TOM1: variants seen among roughly 807,000 people sequenced by gnomAD.
The protein encoded by TOM1 is target of myb1 membrane trafficking protein, also known as target of Myb protein 1.
A neutral mutation model predicts 61.3 loss-of-function variants in TOM1; 38 were observed. The observed-to-expected ratio is 0.62, with a 90% CI of 0.48 to 0.81. TOM1 has a LOEUF of 0.81. Among genes scored for constraint, TOM1 ranks in the 40% least tolerant of loss-of-function variants. The pLI is 0.00. For synonymous variants in TOM1, 270 were observed against 268.8 expected, an observed-to-expected ratio of 1.00 and a Z score of -0.04; for missense variants, 591 against 659.6, an observed-to-expected ratio of 0.90 and a Z score of 1.14.
At chr22:35,329,287 A>G (rs1284903341) in intron 7 of TOM1, among the ~76,000 whole-genome samples, 1 of 152,218 alleles carries the variant, frequency 6.6e-6, no homozygotes, top group East Asian at 1.9e-4. Context: ...TTTAAATATG[A>G]CACCTAGTGG....
chr22:35,324,392 C>T (rs1158011113), intron 6 of TOM1, among the ~76,000 whole-genome samples: 1 of 101,090 alleles, frequency 9.9e-6, no homozygotes, highest in African/African-American at 4.2e-5. Context: ...CCAGGCTGGG[C>T]AACATAGAGA....
chr22:35,342,955 C>T (rs1411735157), intron 12 of TOM1, among the ~76,000 whole-genome samples: 7 of 100,742 alleles, frequency 6.9e-5, no homozygotes, highest in African/African-American at 3.3e-4. Context: ...CTACACACAC[C>T]CCTACACACA....
Position 35,305,870 on chromosome 22 carries a change from G to A in TOM1, c.52+5890G>A, listed in dbSNP as rs1372706990. The stretch of plus-strand genomic sequence containing the variant: ...GTGAAGGCAGAAGCCGGGGTGGGGA[G>A]GGCGACTATAAAGAGGATTCCTGTG... On this transcript the variant is annotated intron_variant, in intron 1 of 14. Coordinates refer to ENST00000449058, the MANE Select transcript of TOM1 (RefSeq NM_005488.3). 8.6e-5 allele frequency among the ~76,000 whole-genome samples: 13 copies of A among 151,408 alleles called. 1 individual carries two copies. The South Asian group carries it at 2.7e-3, about 32-fold the overall frequency.
intron 1 of TOM1, among the ~76,000 whole-genome samples, chr22:35,312,241 C>T (rs1012765584): frequency 8.3e-6 from 1 of 119,794 alleles, no homozygotes; most frequent in Non-Finnish European, 1.5e-5. Flanking sequence ...AAGACTCCGT[C>T]TCAAAAAAAA....
At chr22:35,346,903 C>T (rs1239890694) in intron 13 of TOM1, 27 bp from the exon 14 acceptor site, 1 of 1,611,392 alleles carries the variant, frequency 6.2e-7, no homozygotes, top group Admixed American at 1.7e-5. Context: ...CGGCTAACCT[C>T]TGCCTCCTTT....
chr22:35,306,542 T>C (rs779430094), intron 1 of TOM1, among the ~76,000 whole-genome samples: 4 of 152,204 alleles, frequency 2.6e-5, no homozygotes, highest in Non-Finnish European at 5.9e-5. Flanking sequence ...GTCTGAGTCC[T>C]GGTTCAGTCC....
At chr22:35,338,873 AAGCACTGGCCC>A in intron 12 of TOM1, 85 bp downstream of exon 12, 1 of 1,296,472 alleles carries the variant, frequency 7.7e-7, no homozygotes, top group Non-Finnish European at 1.0e-6. Flanking sequence ...GTTGTGGGCC[AAGCACTGGCCC>A]AGCACGTCCA....
chr22:35,331,139 A>G (rs924245460), intron 8 of TOM1, among the ~76,000 whole-genome samples: 1 of 137,038 alleles, frequency 7.3e-6, no homozygotes, highest in African/African-American at 2.8e-5. Context: ...TCTGTCACCC[A>G]GGCTGGAGTA....
intron 9 of TOM1, 69 bp downstream of exon 9, chr22:35,333,083 CCCT>C: frequency 1.3e-6 from 2 of 1,519,782 alleles, no homozygotes. Context: ...ATTCTCACCT[CCCT>C]CCCCTAGTAA....
chr22:35,332,902 G>A, intron 8 of TOM1, 79 bp from the exon 9 acceptor site: 1 of 1,458,878 alleles, frequency 6.9e-7, no homozygotes, highest in South Asian at 1.1e-5. Context: ...GAGACCCACA[G>A]TTTGAAAAGC....
chr22:35,321,688 C>T (rs919276129), intron 2 of TOM1: 5 of 539,782 alleles, frequency 9.3e-6, no homozygotes, highest in South Asian at 3.1e-5. Context: ...CATGAGCCAC[C>T]GCGCCCGGCC....
At position 35,332,883 on chromosome 22, in the gene TOM1, G is replaced by A. The variant is rs62233313; in HGVS notation, c.900-98G>A. ...CATCACCCTGATCATAACCCACCGT[G>A]TTGATGTTGAGACCCACAGTTTGAA... On this transcript the variant is annotated intron_variant, in intron 8 of 14. Coordinates refer to ENST00000449058, the MANE Select transcript of TOM1 (RefSeq NM_005488.3). The A allele has an allele frequency of 7.4e-3, 8,923 of 1,205,702 alleles. 51 individuals carry two copies. Among genetic ancestry groups the A allele is most frequent in the Non-Finnish European group, 8.7e-3 (7,023 of 808,044 alleles). 74.7% of individuals were successfully genotyped at this position (1,205,702 alleles called of 1,614,324 possible). A position where few individuals can be genotyped will look rare whatever the true frequency, so the allele number is the denominator to read the frequency against.
At chr22:35,326,938 C>T (rs184249243) in intron 6 of TOM1, among the ~76,000 whole-genome samples, 17 of 152,336 alleles carry the variant, frequency 1.1e-4, no homozygotes, top group African/African-American at 3.6e-4. Context: ...CGTCCCTCCC[C>T]GCCTTGTGGG....
rs1161833008 is a variant in TOM1, at chr22:35,323,870, C to A, written c.604C>A (p.Pro202Thr). ...GQHAAPLPAP[P>T]ILSGDTPIAP... ...GCATGCTGCCCCTCTGCCCGCCCCGCCCATACTCTCCGGTGACACGCCCAT... is the reference window on the plus strand; with the variant it reads ...GCATGCTGCCCCTCTGCCCGCCCCGACCATACTCTCCGGTGACACGCCCAT... Residue 202 changes from proline to threonine, a missense_variant, in exon 6 of 15, where the codon CCC (proline) becomes ACC (threonine). Coordinates refer to ENST00000449058, the MANE Select transcript of TOM1 (RefSeq NM_005488.3). The surrounding 1 kb of genome is among the most constrained non-coding windows in gnomAD (Gnocchi z 4.2). 6 of 1,604,872 alleles carry A rather than the reference C, an allele frequency of 3.7e-6. No individual in the cohort carries two copies. Among genetic ancestry groups the A allele is most frequent in the Non-Finnish European group, 5.1e-6 (6 of 1,175,634 alleles).
At chr22:35,320,679 T>C (rs1927695232) in intron 2 of TOM1, among the ~76,000 whole-genome samples, 2 of 151,814 alleles carry the variant, frequency 1.3e-5, no homozygotes, top group Admixed American at 6.6e-5. Flanking sequence ...CATCCTCACC[T>C]CTGCTCTTTT....
At chr22:35,308,275 C>CTTTT (rs138770) in intron 1 of TOM1, among the ~76,000 whole-genome samples, 29 of 129,430 alleles carry the variant, frequency 2.2e-4, no homozygotes, top group Non-Finnish European at 2.0e-4. Context: ...TTCCTTTTCT[C>CTTTT]TTTTTTTTTT....
chr22:35,327,165 C>T, intron 6 of TOM1, 106 bp from the exon 7 acceptor site: 1 of 1,088,638 alleles, frequency 9.2e-7, no homozygotes, highest in Non-Finnish European at 1.4e-6. Context: ...GGGAGGTCGG[C>T]TCCCTGGTGC....
At chr22:35,347,023 G>C in intron 14 of TOM1, 32 bp from the exon 15 acceptor site, 1 of 1,563,720 alleles carries the variant, frequency 6.4e-7, no homozygotes, top group Non-Finnish European at 8.7e-7. Flanking sequence ...TCTGGCCTCA[G>C]GGCCTACCCT....
chr22:35,324,053 C>A (rs1928096095), intron 6 of TOM1, 139 bp downstream of exon 6: 2 of 1,081,032 alleles, frequency 1.9e-6, no homozygotes, highest in South Asian at 3.7e-5. Context: ...TGTGGTTCTT[C>A]CTGTTTGAGC....
Sources: gnomAD v4.1 joint callset for allele counts (sites outside exome capture counted in the v4.1 genomes callset) on GRCh38, gnomAD v4.1.1 for gene constraint, Gnocchi (gnomAD v3.1) non-coding constraint, MANE v1.5 for transcripts, NCBI Gene and HGNC (gene_info 2026-07-23, HGNC 2026-07-21) for gene names.